Variants in CBLB observed in about 807,000 individuals in gnomAD.
The protein encoded by CBLB is E3 ubiquitin-protein ligase CBL-B.
A neutral mutation model predicts 104.9 loss-of-function variants in CBLB; 31 were observed. That is an observed-to-expected ratio of 0.30 (90% CI 0.22 to 0.40). The LOEUF is 0.40. CBLB is among the 10% of genes least tolerant of loss of function. CBLB has a pLI of 1.00. For missense variants in CBLB, 1,062 were observed against 1,214.6 expected (o/e 0.87, Z 1.87); for synonymous variants, 440 against 422.6 (o/e 1.04, Z -0.51).
In CBLB at chr3:105,841,609, C is replaced by T. The variant is rs564788829; in HGVS notation, c.419+11805G>A. Among the ~76,000 whole-genome samples the T allele has an allele frequency of 9.2e-5, 14 of 151,768 alleles. No individual in the cohort carries two copies. The South Asian group carries it at 1.3e-3, about 14-fold the overall frequency. The stretch of plus-strand genomic sequence containing the variant: ...CTGGGACTACAGGCACCCGCCACCA[C>T]GCCCAGCTAATTTTTTTGTATTTTT... On this transcript the variant is annotated intron_variant, in intron 3 of 18. Transcript: ENST00000394030.
At chr3:105,755,953 G>C (rs953166780) in intron 4 of CBLB, among the ~76,000 whole-genome samples, 9 of 152,134 alleles carry the variant, frequency 5.9e-5, no homozygotes, top group Non-Finnish European at 1.0e-4. Context: ...AATGGAAATA[G>C]TATTTTTAAA....
intron 10 of CBLB, among the ~76,000 whole-genome samples, chr3:105,713,041 G>A (rs2071328495): frequency 1.3e-5 from 2 of 152,162 alleles, no homozygotes; most frequent in Admixed American, 1.3e-4. Context: ...AGGCCGAAGT[G>A]GAAGGATAAC....
intron 3 of CBLB, among the ~76,000 whole-genome samples, chr3:105,789,750 T>A (rs1172998858): frequency 6.6e-6 from 1 of 152,178 alleles, no homozygotes; most frequent in Admixed American, 6.5e-5. Flanking sequence ...TGAAGACAAT[T>A]TAACATAACT....
intron 9 of CBLB, among the ~76,000 whole-genome samples, chr3:105,733,177 G>C (rs780311765): frequency 3.9e-5 from 6 of 152,022 alleles, no homozygotes; most frequent in Non-Finnish European, 7.4e-5. Context: ...CTAACATGGT[G>C]AAACCCCGTC....
intron 18 of CBLB, among the ~76,000 whole-genome samples, chr3:105,664,381 G>A (rs1008550764): frequency 3.3e-5 from 5 of 152,092 alleles, no homozygotes; most frequent in Admixed American, 2.0e-4. Flanking sequence ...TTAAAATAAT[G>A]TGGTAAAATA....
intron 9 of CBLB, 59 bp from the exon 10 acceptor site, chr3:105,720,309 G>T: frequency 6.9e-7 from 1 of 1,447,182 alleles, no homozygotes; most frequent in Non-Finnish European, 9.5e-7. Context: ...ACCGAGAAAT[G>T]CTAATAATGT....
chr3:105,867,551 G>T lies in CBLB; in HGVS notation c.27C>A (p.Asn9Lys). 5 of 1,614,024 alleles carry T rather than the reference G, an allele frequency of 3.1e-6. No homozygotes were observed. The highest frequency in any genetic ancestry group is 1.1e-5 in the South Asian group (1 of 91,074). MANSMNGR[N>K]PGGRGGNPRK... Reference sequence around the variant, plus strand: ...GGGGATTTCCTCCTCGACCACCAGGGTTTCTGCCATTCATTGAGTTTGCCA... The same window carrying T: ...GGGGATTTCCTCCTCGACCACCAGGTTTTCTGCCATTCATTGAGTTTGCCA... The change falls in exon 2 of 19, where the codon AAC becomes AAA. Residue 9 changes from asparagine to lysine, a missense_variant. Physicochemically the swap from Asn to Lys is moderately conservative, Grantham distance 94. Transcript: ENST00000394030.
At chr3:105,861,702 CACACAT>C (rs1280002518) in intron 2 of CBLB, among the ~76,000 whole-genome samples, 4 of 151,128 alleles carry the variant, frequency 2.6e-5, no homozygotes, top group Non-Finnish European at 4.4e-5. Flanking sequence ...CACACACACA[CACACAT>C]ACATACACAC....
chr3:105,807,014 C>T (rs1227225682), intron 3 of CBLB, among the ~76,000 whole-genome samples: 1 of 152,198 alleles, frequency 6.6e-6, no homozygotes, highest in Non-Finnish European at 1.5e-5. Context: ...TTTAGGCCCA[C>T]TCACCGCTAT....
chr3:105,736,226 C>T (rs1043129257), intron 8 of CBLB, among the ~76,000 whole-genome samples: 49 of 152,206 alleles, frequency 3.2e-4, no homozygotes, highest in African/African-American at 1.0e-3. Flanking sequence ...CAAGTTCTCC[C>T]TTCATCCCCT....
chr3:105,758,631 A>G (rs1560112945), intron 4 of CBLB, among the ~76,000 whole-genome samples: 2 of 152,362 alleles, frequency 1.3e-5, no homozygotes. Flanking sequence ...CAAGTGGTGC[A>G]TGAACAAGTG....
At chr3:105,755,016 CTT>C (rs67405809) in intron 4 of CBLB, among the ~76,000 whole-genome samples, 2,094 of 143,746 alleles carry the variant, frequency 0.015, 17 homozygotes, top group African/African-American at 0.031. Flanking sequence ...AGTATCTTTT[CTT>C]TTTTTTTTTT....
intron 5 of CBLB, among the ~76,000 whole-genome samples, chr3:105,750,259 A>T (rs2301030): frequency 0.22 from 32,702 of 152,026 alleles, 3,643 homozygotes; most frequent in Admixed American, 0.26. Flanking sequence ...CTCTCTTCTA[A>T]TAATGGGTTC....
chr3:105,817,370 G>A (rs1442960391), intron 3 of CBLB, among the ~76,000 whole-genome samples: 1 of 152,044 alleles, frequency 6.6e-6, no homozygotes, highest in East Asian at 1.9e-4. Context: ...GAGATTCTAG[G>A]ACTTGGGACT....
intron 10 of CBLB, among the ~76,000 whole-genome samples, chr3:105,710,728 C>A (rs903003286): frequency 2.0e-5 from 3 of 151,920 alleles, no homozygotes; most frequent in Non-Finnish European, 2.9e-5. Flanking sequence ...AAACTAGAAT[C>A]CTGGTGTTCT....
At chr3:105,779,096 T>C (rs2079827404) in intron 3 of CBLB, among the ~76,000 whole-genome samples, 1 of 152,220 alleles carries the variant, frequency 6.6e-6, no homozygotes, top group Non-Finnish European at 1.5e-5. Context: ...CTGTTCTTTA[T>C]TTTCTGAATT....
chr3:105,840,589 G>A (rs2089396194), intron 3 of CBLB, among the ~76,000 whole-genome samples: 1 of 152,090 alleles, frequency 6.6e-6, no homozygotes, highest in East Asian at 1.9e-4. Context: ...CATGCCAACT[G>A]GTAACGAAAC....
chr3:105,847,665 G>T (rs184736407), intron 3 of CBLB, among the ~76,000 whole-genome samples: 232 of 151,786 alleles, frequency 1.5e-3, no homozygotes, highest in Non-Finnish European at 2.9e-3. Context: ...ATGGGTTGTA[G>T]CACCCTGGCT....
intron 18 of CBLB, among the ~76,000 whole-genome samples, chr3:105,665,404 A>T (rs867923803): frequency 0.015 from 903 of 61,774 alleles, 11 homozygotes; most frequent in African/African-American, 0.044. Flanking sequence ...TAAATAAATA[A>T]ATAAATAAAT....
Sources: allele counts gnomAD v4.1 joint callset (sites outside exome capture counted in the v4.1 genomes callset), GRCh38; gene constraint gnomAD v4.1.1; transcripts MANE v1.5; gene names NCBI Gene and HGNC (gene_info 2026-07-23, HGNC 2026-07-21).